PRIMPOL: variants seen among roughly 807,000 people sequenced by gnomAD.
The protein encoded by PRIMPOL is primase and DNA directed polymerase.
A neutral mutation model predicts 63.6 loss-of-function variants in PRIMPOL; 54 were observed. The observed-to-expected ratio is 0.85, with a 90% CI of 0.68 to 1.07. The LOEUF (loss-of-function observed/expected upper bound fraction) is 1.07, where lower values mean the gene tolerates loss of function less well. PRIMPOL is among the 50% of genes least tolerant of loss of function. The pLI, the probability that PRIMPOL is intolerant of heterozygous loss-of-function variation, is 0.00. For synonymous variants in PRIMPOL, 197 were observed against 220.2 expected (o/e 0.89, Z 0.93); for missense variants, 610 against 648.3 (o/e 0.94, Z 0.64).
At chr4:184,662,608 A>G (rs1748664711) in intron 5 of PRIMPOL, among the ~76,000 whole-genome samples, 2 of 152,264 alleles carry the variant, frequency 1.3e-5, no homozygotes, top group Non-Finnish European at 1.5e-5. Context: ...GTTGTGTTAA[A>G]ATTGTATTGA....
At chr4:184,654,458 T>TTTTTTTTTGTTTTG (rs1192491354) in intron 2 of PRIMPOL, among the ~76,000 whole-genome samples, 28 of 146,738 alleles carry the variant, frequency 1.9e-4, no homozygotes, top group African/African-American at 6.8e-4. Flanking sequence ...AAGCAGTTTT[T>TTTTTTTTTGTTTTG]TTTTTTTTTT....
chr4:184,659,230 C>T (rs944923956), intron 3 of PRIMPOL, 110 bp from the exon 4 acceptor site: 34 of 758,700 alleles, frequency 4.5e-5, no homozygotes, highest in Non-Finnish European at 7.5e-5. Flanking sequence ...GTTCAAATTA[C>T]AGTTTCTGAA....
chr4:184,649,857 G>C lies in PRIMPOL; in HGVS notation c.-189G>C, dbSNP rs907364361. The C allele has an allele frequency of 3.9e-5, 6 of 152,450 alleles. 1 individual carries two copies. The South Asian group carries it at 1.2e-3, about 32-fold the overall frequency. The allele number at this position is 152,450 out of a possible 1,614,324, so 9.4% of individuals were successfully genotyped here. On this transcript the variant is annotated 5_prime_UTR_variant, in exon 1 of 14. Coordinates refer to ENST00000314970, the MANE Select transcript of PRIMPOL (RefSeq NM_152683.4). The stretch of plus-strand genomic sequence containing the variant: ...CTAGAAGGGAGACAAAGCCAGGCCT[G>C]CTGCCCAGTTTGAGCTCTGGGAAGA...
intron 6 of PRIMPOL, among the ~76,000 whole-genome samples, chr4:184,667,160 C>T (rs751357101): frequency 2.6e-4 from 40 of 152,308 alleles, no homozygotes; most frequent in Middle Eastern, 3.4e-3. Flanking sequence ...CACAGAGACC[C>T]AGCATGCTGT....
chr4:184,661,281 C>A (rs925774370), intron 4 of PRIMPOL, among the ~76,000 whole-genome samples: 1 of 152,106 alleles, frequency 6.6e-6, no homozygotes, highest in African/African-American at 2.4e-5. Flanking sequence ...TTGATGGAAA[C>A]CCTTGATAAG....
intron 5 of PRIMPOL, 56 bp from the exon 6 acceptor site, chr4:184,665,861 T>C (rs1287989025): frequency 1.2e-5 from 14 of 1,210,472 alleles, no homozygotes; most frequent in Middle Eastern, 2.7e-4. Flanking sequence ...TTATTGCTTA[T>C]AGAAAAATTT....
chr4:184,691,930 TAC>T (rs1758673237), intron 13 of PRIMPOL, among the ~76,000 whole-genome samples: 1 of 149,988 alleles, frequency 6.7e-6, no homozygotes, highest in African/African-American at 2.5e-5. Flanking sequence ...GCTTGAGGTG[TAC>T]AGTTTAATCA....
At chr4:184,686,962 C>T (rs576775452) in intron 11 of PRIMPOL, among the ~76,000 whole-genome samples, 3 of 152,134 alleles carry the variant, frequency 2.0e-5, no homozygotes, top group African/African-American at 7.2e-5. Flanking sequence ...TATTAACTTA[C>T]CAAAAAATCA....
chr4:184,664,087 A>G (rs943109807), intron 5 of PRIMPOL, among the ~76,000 whole-genome samples: 5 of 152,228 alleles, frequency 3.3e-5, no homozygotes, highest in African/African-American at 9.6e-5. Flanking sequence ...CCACTCATGT[A>G]AGTTTAACTT....
At chr4:184,668,303 A>G (rs776680516) in intron 6 of PRIMPOL, among the ~76,000 whole-genome samples, 3 of 152,228 alleles carry the variant, frequency 2.0e-5, no homozygotes, top group Non-Finnish European at 4.4e-5. Flanking sequence ...CAGTTACCCA[A>G]GTAGACACGT....
At chr4:184,684,386 G>A (rs1047705528) in intron 9 of PRIMPOL, among the ~76,000 whole-genome samples, 2 of 151,682 alleles carry the variant, frequency 1.3e-5, no homozygotes, top group South Asian at 2.1e-4. Context: ...AACCCAGAAG[G>A]CCGAGCTTGC....
chr4:184,660,459 G>T (rs1748013376), intron 4 of PRIMPOL, among the ~76,000 whole-genome samples: 1 of 152,144 alleles, frequency 6.6e-6, no homozygotes, highest in Non-Finnish European at 1.5e-5. Flanking sequence ...GGGATTACCA[G>T]CATGAGCCAC....
intron 8 of PRIMPOL, among the ~76,000 whole-genome samples, chr4:184,679,053 A>C (rs888221228): frequency 8.5e-5 from 13 of 152,184 alleles, no homozygotes; most frequent in African/African-American, 3.1e-4. Context: ...TTTTCTTTTC[A>C]TGTATGCACA....
chr4:184,692,311 T>C (rs1158863224), intron 13 of PRIMPOL, among the ~76,000 whole-genome samples: 1 of 151,564 alleles, frequency 6.6e-6, no homozygotes, highest in Non-Finnish European at 1.5e-5. Flanking sequence ...CCATCTCTAC[T>C]AAAAACACAA....
rs1745288778 is a variant in PRIMPOL at position 184,653,382 on chromosome 4, CAT to C, written c.-60+1284_-60+1285del. Among the ~76,000 whole-genome samples, 22 of 152,348 alleles carry C rather than the reference CAT, an allele frequency of 1.4e-4. 1 individual carries two copies. In the South Asian group the frequency reaches 4.1e-3, roughly 29 times the overall value. On this transcript the variant is annotated intron_variant, in intron 2 of 13. Coordinates refer to ENST00000314970, the MANE Select transcript of PRIMPOL (RefSeq NM_152683.4). ...ACTATAGTTACTCGAAAAGAACTAA[CAT>C]AGCCTTTTTTCTAGCTTGACCCCCT...
chr4:184,670,431 A>G (rs1751257426), intron 6 of PRIMPOL, among the ~76,000 whole-genome samples: 2 of 152,228 alleles, frequency 1.3e-5, no homozygotes, highest in South Asian at 4.1e-4. Flanking sequence ...CCTTCATTGC[A>G]GAAGTAATCC....
chr4:184,675,974 TA>T (rs1278205253), intron 7 of PRIMPOL, among the ~76,000 whole-genome samples: 2 of 152,192 alleles, frequency 1.3e-5, no homozygotes, highest in Non-Finnish European at 1.5e-5. Flanking sequence ...ATAATAGTAG[TA>T]GTCTGATTTT....
chr4:184,668,270 TGTGTATCA>T (rs1390292951), intron 6 of PRIMPOL, among the ~76,000 whole-genome samples: 2 of 152,264 alleles, frequency 1.3e-5, no homozygotes, highest in Non-Finnish European at 2.9e-5. Flanking sequence ...CTCCGTGATG[TGTGTATCA>T]GTGAGTGGTG....
intron 6 of PRIMPOL, among the ~76,000 whole-genome samples, chr4:184,670,025 A>T (rs966426419): frequency 6.6e-6 from 1 of 152,214 alleles, no homozygotes; most frequent in African/African-American, 2.4e-5. Context: ...GTTTGCTGTC[A>T]TACCTGAAAT....
Sources: allele counts gnomAD v4.1 joint callset (sites outside exome capture counted in the v4.1 genomes callset), GRCh38; gene constraint gnomAD v4.1.1; transcripts MANE v1.5; gene names NCBI Gene and HGNC (gene_info 2026-07-23, HGNC 2026-07-21).